The following UQCRC2 variants were observed in gnomAD, a reference collection of about 807,000 sequenced individuals.
UQCRC2 encodes the protein ubiquinol-cytochrome c reductase core protein 2.
UQCRC2 carries 49 observed loss-of-function variants against 55.6 expected under a neutral mutation model. The ratio of observed to expected loss-of-function variants is 0.88; its 90% confidence interval spans 0.70 to 1.12. The LOEUF (loss-of-function observed/expected upper bound fraction) is 1.12. Ranked by LOEUF, UQCRC2 falls within the 50% of genes most tolerant of loss-of-function variation. The pLI is 0.00. For synonymous variants in UQCRC2, 193 were observed against 192.0 expected, an observed-to-expected ratio of 1.01 and a Z score of -0.04; for missense variants, 506 against 547.8, an observed-to-expected ratio of 0.92 and a Z score of 0.76.
chr16:21,954,013 T>C (rs1898053270), intron 1 of UQCRC2, among the ~76,000 whole-genome samples: 1 of 152,188 alleles, frequency 6.6e-6, no homozygotes, highest in South Asian at 2.1e-4. Context: ...ACGTCTCTGT[T>C]TGTCCTCAAA....
chr16:21,968,712 C>A, intron 8 of UQCRC2, 27 bp downstream of exon 8: 1 of 1,590,110 alleles, frequency 6.3e-7, no homozygotes, highest in Admixed American at 1.8e-5. Flanking sequence ...GCCTGCCTGT[C>A]AGTTTGCTTC....
At chr16:21,955,768 G>T (rs961034525) in intron 1 of UQCRC2, among the ~76,000 whole-genome samples, 2 of 152,080 alleles carry the variant, frequency 1.3e-5, no homozygotes, top group African/African-American at 4.8e-5. Context: ...GCACACAAGA[G>T]TGAAGATACA....
At chr16:21,976,350 A>C (rs1424035883) in intron 12 of UQCRC2, 107 bp downstream of exon 12, 1 of 966,558 alleles carries the variant, frequency 1.0e-6, no homozygotes, top group East Asian at 2.7e-5. Flanking sequence ...TGAGAAGTAC[A>C]GAAAAGCGTA....
At chr16:21,968,803 C>T in intron 8 of UQCRC2, 118 bp downstream of exon 8, 1 of 763,806 alleles carries the variant, frequency 1.3e-6, no homozygotes. Context: ...CTATTTATGT[C>T]AGACAGGCAA....
chr16:21,957,056 G>C (rs1367608278), intron 1 of UQCRC2, among the ~76,000 whole-genome samples, 179 bp from the exon 2 acceptor site: 1 of 148,718 alleles, frequency 6.7e-6, no homozygotes, highest in Non-Finnish European at 1.5e-5. Flanking sequence ...GCGACAGAGA[G>C]ACACTCTGTC....
At position 21,983,249 on chromosome 16, in the gene UQCRC2, C is replaced by CT; in HGVS notation, c.*79dup. 2 of 1,282,424 alleles carry CT rather than the reference C, an allele frequency of 1.6e-6. No homozygotes were observed. Among genetic ancestry groups the CT allele is most frequent in the Non-Finnish European group, 2.2e-6 (2 of 912,084 alleles). The allele number at this position is 1,282,424 out of a possible 1,614,324, so 79.4% of individuals were successfully genotyped here. A position where few individuals can be genotyped will look rare whatever the true frequency, so the allele number is the denominator to read the frequency against. On this transcript the variant is annotated 3_prime_UTR_variant, in exon 14 of 14. Transcript: ENST00000268379. Reference sequence around the variant, plus strand: ...GCAAACACATGAAAGTCAGAAGTCTCTAATATATCATTTGTCTTTTTTCCA... The same window carrying CT: ...GCAAACACATGAAAGTCAGAAGTCTCTTAATATATCATTTGTCTTTTTTCCA...
Position 21,953,454 on chromosome 16 carries a change from TCGGTGAGCTCAGGTGG to T in UQCRC2, c.33+2_33+17del. ...GCTACTAACCAGAGCCGGCTCTTTCTCGGTGAGCTCAGGTGGCGGGTTTGGGAAAGGGCTGGGGAGC... is the reference window on the plus strand; with the variant it reads ...GCTACTAACCAGAGCCGGCTCTTTCTCGGGTTTGGGAAAGGGCTGGGGAGC... On this transcript the variant is annotated splice_donor_variant and splice_donor_5th_base_variant and coding_sequence_variant and intron_variant, in exon 1 of 14. Transcript: ENST00000268379. LOFTEE classifies it high-confidence loss of function. 6.2e-7 allele frequency: 1 copy of T among 1,612,972 alleles called. No individual in the cohort carries two copies. Among genetic ancestry groups the T allele is most frequent in the Non-Finnish European group, 8.5e-7 (1 of 1,179,558 alleles).
chr16:21,980,743 A>C (rs1898704217), intron 13 of UQCRC2, 43 bp downstream of exon 13: 13 of 1,604,310 alleles, frequency 8.1e-6, no homozygotes, highest in Non-Finnish European at 1.1e-5. Flanking sequence ...AGAGAACTTA[A>C]CCTTAATGAT....
chr16:21,967,605 G>A lies in UQCRC2; in HGVS notation c.613-1023G>A, dbSNP rs530209861. On this transcript the variant is annotated intron_variant, in intron 7 of 13. Coordinates refer to ENST00000268379, the MANE Select transcript of UQCRC2 (RefSeq NM_003366.4). ...CAATCTTCAGATCGCCTGAGTGGTT[G>A]ATTGGATGGATGGGTAGTTGGTCGG... Among the ~76,000 whole-genome samples, 32 of 152,260 alleles carry A rather than the reference G, an allele frequency of 2.1e-4. No homozygotes were observed. In the Middle Eastern group the frequency reaches 0.014, roughly 65 times the overall value.
intron 4 of UQCRC2, among the ~76,000 whole-genome samples, chr16:21,959,184 G>GACT (rs994467925): frequency 6.6e-6 from 1 of 152,130 alleles, no homozygotes; most frequent in African/African-American, 2.4e-5. Flanking sequence ...TGCATTGATT[G>GACT]ACTCTTCCTT....
chr16:21,969,833 C>T (rs1331065714), intron 8 of UQCRC2, among the ~76,000 whole-genome samples: 1 of 151,840 alleles, frequency 6.6e-6, no homozygotes, highest in Non-Finnish European at 1.5e-5. Context: ...CCATTCTCAT[C>T]TTCCCCCTGC....
intron 7 of UQCRC2, among the ~76,000 whole-genome samples, chr16:21,968,198 C>T (rs1177667643): frequency 6.6e-6 from 1 of 152,102 alleles, no homozygotes; most frequent in African/African-American, 2.4e-5. Flanking sequence ...GTCAGGATTT[C>T]GCTGTGTTGC....
rs752524166 is a variant in UQCRC2 at position 21,980,598 on chromosome 16, C to T, written c.1176C>T (p.Phe392=). ...YLMSVESSEC[F]LEEVGSQALV... is the part of the protein sequence containing the mutation. ...TGTCAGTGGAGTCTTCTGAGTGTTT[C>T]CTGGAAGAAGTCGGGTCCCAGGCTC... Residue 392 remains phenylalanine (F), a synonymous_variant, in exon 13 of 14, where the codon TTC becomes TTT. Transcript: ENST00000268379. 9.3e-6 allele frequency: 15 copies of T among 1,614,034 alleles called. No individual in the cohort carries two copies. The highest frequency in any genetic ancestry group is 1.3e-5 in the Non-Finnish European group (15 of 1,180,040).
At position 21,957,493 on chromosome 16, in the gene UQCRC2, T is replaced by G. The variant is rs769833582; in HGVS notation, c.194T>G (p.Ile65Ser). 3.7e-6 allele frequency: 6 copies of G among 1,614,050 alleles called. No individual in the cohort carries two copies. The highest frequency in any genetic ancestry group is 5.1e-6 in the Non-Finnish European group (6 of 1,180,034). Reference protein sequence around the residue: ...YSPVSRIGLFIKAGSRYEDFS... With the variant: ...YSPVSRIGLFSKAGSRYEDFS... ...CCTGTATCAAGAATTGGTTTGTTCA[T>G]TAAAGCAGGCAGTAGATATGAGGAC... Residue 65 changes from isoleucine (I) to serine (S), a missense_variant, in exon 3 of 14, where the codon ATT becomes AGT. Coordinates refer to ENST00000268379, the MANE Select transcript of UQCRC2 (RefSeq NM_003366.4).
At position 21,957,547 on chromosome 16, in the gene UQCRC2, T is replaced by C; in HGVS notation, c.248T>C (p.Leu83Pro). Reference protein sequence around the residue: ...DFSNLGTTHLLRLTSSLTTKG... With the variant: ...DFSNLGTTHLPRLTSSLTTKG... ...AGCAATTTAGGAACCACCCATTTGC[T>C]GCGTCTTACATCCAGTCTGGTGAGT... Residue 83 changes from leucine (L) to proline (P), a missense_variant, in exon 3 of 14, where the codon CTG (leucine) becomes CCG (proline). Leu to Pro is a moderately conservative substitution (Grantham distance 98, BLOSUM62 -3). Coordinates refer to ENST00000268379, the MANE Select transcript of UQCRC2 (RefSeq NM_003366.4). The C allele has an allele frequency of 6.2e-7, 1 of 1,614,178 alleles. No homozygotes were observed. The highest frequency in any genetic ancestry group is 8.5e-7 in the Non-Finnish European group (1 of 1,180,024).
chr16:21,957,589 G>A, intron 3 of UQCRC2, 23 bp downstream of exon 3: 25 of 1,610,640 alleles, frequency 1.6e-5, no homozygotes, highest in Non-Finnish European at 2.1e-5. Context: ...ACTTCCTCAA[G>A]TGTTTGGAAA....
At chr16:21,971,652 T>C (rs376000972) in intron 9 of UQCRC2, 32 bp downstream of exon 9, 3 of 1,601,722 alleles carry the variant, frequency 1.9e-6, no homozygotes, top group Non-Finnish European at 2.6e-6. Context: ...GGTTAATTTA[T>C]CAGAAGGGCG....
At chr16:21,975,619 A>C (rs1344082649) in intron 11 of UQCRC2, among the ~76,000 whole-genome samples, 1 of 152,212 alleles carries the variant, frequency 6.6e-6, no homozygotes, top group African/African-American at 2.4e-5. Flanking sequence ...ATACCATACA[A>C]GGATTCAGAT....
At chr16:21,953,520 G>T in intron 1 of UQCRC2, 64 bp downstream of exon 1, 2 of 1,587,542 alleles carry the variant, frequency 1.3e-6, no homozygotes, top group Non-Finnish European at 8.6e-7. Context: ...GTGATACGAG[G>T]CGGAGGTGTC....
Sources: allele counts gnomAD v4.1 joint callset (sites outside exome capture counted in the v4.1 genomes callset), GRCh38; gene constraint gnomAD v4.1.1; transcripts MANE v1.5; gene names NCBI Gene and HGNC (gene_info 2026-07-23, HGNC 2026-07-21).